METAP2: variants seen among roughly 807,000 people sequenced by gnomAD.
METAP2 encodes the protein methionine aminopeptidase 2.
A neutral mutation model predicts 59.4 loss-of-function variants in METAP2; 25 were observed. The ratio of observed to expected loss-of-function variants is 0.42; its 90% CI spans 0.31 to 0.59. The LOEUF (loss-of-function observed/expected upper bound fraction) is 0.59, where lower values mean the gene tolerates loss of function less well. METAP2 is among the 20% of genes least tolerant of loss of function. The pLI is 0.16. For synonymous variants in METAP2, 214 were observed against 194.1 expected (o/e 1.10, Z -0.85); for missense variants, 366 against 581.2 (o/e 0.63, Z 3.81).
In METAP2 at chr12:95,474,184, C is replaced by G; in HGVS notation, c.5C>G (p.Ala2Gly). 1 of 1,613,432 alleles carries G rather than the reference C, an allele frequency of 6.2e-7. No homozygotes were observed. The highest frequency in any genetic ancestry group is 8.5e-7 in the Non-Finnish European group (1 of 1,179,612). M[A>G]GVEEVAASGS... Reference sequence around the variant, plus strand: ...CCTCGCGCTCTCTCGGGCAACATGGCGGGTGTGGAGGAGGTAGCGGCCTCC... The same window carrying G: ...CCTCGCGCTCTCTCGGGCAACATGGGGGGTGTGGAGGAGGTAGCGGCCTCC... The change falls in exon 1 of 11, where the codon GCG becomes GGG. Residue 2 changes from alanine to glycine, a missense_variant. Around this residue, in one of 4 missense-constraint regions of METAP2, gnomAD observed 177 missense variants for 180.3 expected, o/e 0.98. Coordinates refer to ENST00000323666, the MANE Select transcript of METAP2 (RefSeq NM_006838.4).
chr12:95,501,767 CAAAT>C (rs1459619378), intron 7 of METAP2, among the ~76,000 whole-genome samples: 1 of 147,610 alleles, frequency 6.8e-6, no homozygotes, highest in African/African-American at 2.5e-5. Context: ...ATGTGGAAAA[CAAAT>C]AGTGTTTGCA....
intron 7 of METAP2, among the ~76,000 whole-genome samples, chr12:95,498,206 A>G (rs2076289693): frequency 6.6e-6 from 1 of 151,426 alleles, no homozygotes; most frequent in Admixed American, 6.6e-5. Context: ...CCTGAGCTCA[A>G]GCTGCACCCT....
intron 4 of METAP2, among the ~76,000 whole-genome samples, chr12:95,488,629 G>A (rs2076215660): frequency 6.6e-6 from 1 of 150,926 alleles, no homozygotes; most frequent in African/African-American, 2.4e-5. Context: ...TTTGTGTAAG[G>A]TTGGGAGCAC....
chr12:95,497,621 T>C (rs1019280734), intron 7 of METAP2, among the ~76,000 whole-genome samples: 1 of 152,198 alleles, frequency 6.6e-6, no homozygotes, highest in Non-Finnish European at 1.5e-5. Context: ...CTGGTAATTA[T>C]ATCTTTTTAA....
At chr12:95,485,488 A>G (rs564362418) in intron 3 of METAP2, among the ~76,000 whole-genome samples, 60 of 152,052 alleles carry the variant, frequency 3.9e-4, no homozygotes, top group Middle Eastern at 6.8e-3. Context: ...TTCTTATTTT[A>G]TTAATATATA....
intron 4 of METAP2, among the ~76,000 whole-genome samples, chr12:95,487,119 A>T (rs2076203066): frequency 6.6e-6 from 1 of 152,212 alleles, no homozygotes; most frequent in Non-Finnish European, 1.5e-5. Context: ...AGAAGAGTAG[A>T]TGCATAGTGA....
Position 95,488,814 on chromosome 12 carries a change from A to C in METAP2, c.428+2833A>C, listed in dbSNP as rs1206812123. Among the ~76,000 whole-genome samples, 8 of 151,992 alleles carry C rather than the reference A, an allele frequency of 5.3e-5. No individual in the cohort carries two copies. The South Asian group carries it at 1.2e-3, about 24-fold the overall frequency. Reference sequence around the variant, plus strand: ...ATCTGTTTCTTCTTAGGCTAATACTATTTTGATTTGATATCCCAAACAGTT... The same window carrying C: ...ATCTGTTTCTTCTTAGGCTAATACTCTTTTGATTTGATATCCCAAACAGTT... On this transcript the variant is annotated intron_variant, in intron 4 of 10. Coordinates refer to ENST00000323666, the MANE Select transcript of METAP2 (RefSeq NM_006838.4).
chr12:95,508,622 C>T (rs887273582), intron 8 of METAP2, among the ~76,000 whole-genome samples: 42 of 152,252 alleles, frequency 2.8e-4, no homozygotes, highest in African/African-American at 9.9e-4. Flanking sequence ...TTTGTAAATT[C>T]CAACACTAGC....
rs945417734 is a variant in METAP2 at position 95,492,865 on chromosome 12, A to G, written c.429-1191A>G. ...AGTGAACTTTTTCTTCAAAGGGCAT[A>G]TAGTGAATATTTTAGGCCTTGAGTG... On this transcript the variant is annotated intron_variant, in intron 4 of 10. Coordinates refer to ENST00000323666, the MANE Select transcript of METAP2 (RefSeq NM_006838.4). Among the ~76,000 whole-genome samples the G allele has an allele frequency of 3.3e-5, 5 of 152,204 alleles. No individual in the cohort carries two copies. In the South Asian group the frequency reaches 1.0e-3, roughly 31 times the overall value.
chr12:95,503,528 A>G (rs944760000), intron 7 of METAP2, among the ~76,000 whole-genome samples: 6 of 152,138 alleles, frequency 3.9e-5, no homozygotes, highest in Non-Finnish European at 7.4e-5. Context: ...GAGGTGTGCA[A>G]CTATGAGGGG....
At chr12:95,504,347 T>C (rs2076340811) in intron 8 of METAP2, among the ~76,000 whole-genome samples, 186 bp downstream of exon 8, 1 of 152,174 alleles carries the variant, frequency 6.6e-6, no homozygotes, top group African/African-American at 2.4e-5. Flanking sequence ...CAAGCCACTC[T>C]GTTAGCTGAT....
intron 4 of METAP2, among the ~76,000 whole-genome samples, chr12:95,489,438 A>G (rs1486611485): frequency 1.3e-5 from 2 of 152,242 alleles, no homozygotes; most frequent in Non-Finnish European, 2.9e-5. Context: ...GGAGAAATAC[A>G]GAATAAGTAT....
chr12:95,484,858 G>A (rs2076184365), intron 3 of METAP2: 1 of 455,378 alleles, frequency 2.2e-6, no homozygotes, highest in Non-Finnish European at 4.4e-6. Context: ...TGGTTTTTGT[G>A]TTGGCCTCAT....
chr12:95,483,157 CT>C, intron 2 of METAP2, 57 bp from the exon 3 acceptor site: 1 of 1,303,296 alleles, frequency 7.7e-7, no homozygotes, highest in African/African-American at 1.5e-5. Flanking sequence ...CTTGTACTTG[CT>C]TTGTCCCTCT....
At chr12:95,513,517 AT>A (rs766695410) in intron 10 of METAP2, 134 bp from the exon 11 acceptor site, 62 of 968,216 alleles carry the variant, frequency 6.4e-5, no homozygotes, top group Non-Finnish European at 8.9e-5. Context: ...CTGGCTTTTG[AT>A]TGTTGAAAGA....
Position 95,514,188 on chromosome 12 carries a change from A to G in METAP2, c.*284A>G. The stretch of plus-strand genomic sequence containing the variant: ...GGAATGACTTATACGTTTTGTTTTG[A>G]ATACCTAAGAGATACTTTTTGGATA... On this transcript the variant is annotated 3_prime_UTR_variant, in exon 11 of 11. Transcript: ENST00000323666. 2.6e-6 allele frequency: 1 copy of G among 377,840 alleles called. No individual in the cohort carries two copies. Among genetic ancestry groups the G allele is most frequent in the Non-Finnish European group, 4.7e-6 (1 of 212,998 alleles). The allele number at this position is 377,840 out of a possible 1,614,324, so 23.4% of individuals were successfully genotyped here. A position where few individuals can be genotyped will look rare whatever the true frequency, so the allele number is the denominator to read the frequency against.
intron 8 of METAP2, among the ~76,000 whole-genome samples, chr12:95,508,978 C>G (rs1480710558): frequency 6.6e-5 from 10 of 152,024 alleles, no homozygotes; most frequent in Non-Finnish European, 2.9e-5. Context: ...GAAATGGATT[C>G]CGGGTTGAAC....
intron 3 of METAP2, among the ~76,000 whole-genome samples, chr12:95,484,508 A>G (rs1015171480): frequency 6.6e-6 from 1 of 151,856 alleles, no homozygotes; most frequent in Non-Finnish European, 1.5e-5. Context: ...AAAAAAAAAG[A>G]TAACTATTTC....
intron 8 of METAP2, among the ~76,000 whole-genome samples, chr12:95,506,795 C>CTTGTTTATTTATTTAT (rs142865586): frequency 1.4e-5 from 2 of 147,236 alleles, no homozygotes; most frequent in African/African-American, 5.0e-5. Context: ...AAGCAGAATA[C>CTTGTTTATTTATTTAT]TTATTTATTT....
Sources: allele counts gnomAD v4.1 joint callset (sites outside exome capture counted in the v4.1 genomes callset), GRCh38; gene constraint gnomAD v4.1.1; regional missense constraint gnomAD v4.1.1; transcripts MANE v1.5; gene names NCBI Gene and HGNC (gene_info 2026-07-23, HGNC 2026-07-21).